Variants in GPC6 observed in about 807,000 individuals in gnomAD.
GPC6 encodes glypican-6.
GPC6 carries 14 observed loss-of-function variants against 55.2 expected under a neutral mutation model. That is an observed-to-expected ratio of 0.25 (90% CI 0.17 to 0.40). The LOEUF (loss-of-function observed/expected upper bound fraction) is 0.40, where lower values mean the gene tolerates loss of function less well. GPC6 is among the 10% of genes least tolerant of loss of function. The probability of loss-of-function intolerance (pLI) is 1.00; values close to 1 mark genes in which losing one functional copy is unlikely to be tolerated. For missense variants in GPC6, 641 were observed against 708.5 expected, an observed-to-expected ratio of 0.90 and a Z score of 1.08; for synonymous variants, 278 against 259.6, an observed-to-expected ratio of 1.07 and a Z score of -0.68.
chr13:93,532,963 TG>T (rs1426810195), intron 1 of GPC6, among the ~76,000 whole-genome samples: 2 of 152,072 alleles, frequency 1.3e-5, no homozygotes, highest in Non-Finnish European at 2.9e-5. Flanking sequence ...ACAATAATAC[TG>T]GTAGTTTGAA....
chr13:93,623,491 C>G (rs1331438608), intron 2 of GPC6, among the ~76,000 whole-genome samples: 1 of 132,120 alleles, frequency 7.6e-6, no homozygotes, highest in Non-Finnish European at 1.6e-5. Flanking sequence ...CGGAGTCTCG[C>G]TCTCTCGCCC....
At chr13:94,310,747 C>A (rs1240002632) in intron 6 of GPC6, among the ~76,000 whole-genome samples, 1 of 151,966 alleles carries the variant, frequency 6.6e-6, no homozygotes, top group Non-Finnish European at 1.5e-5. Context: ...GGTTAACAAC[C>A]ATTTTCATAT....
chr13:93,839,209 T>G (rs1887860026), intron 3 of GPC6, among the ~76,000 whole-genome samples: 1 of 152,104 alleles, frequency 6.6e-6, no homozygotes, highest in Non-Finnish European at 1.5e-5. Context: ...GAAGTTAACT[T>G]ATCTTCCCCT....
intron 1 of GPC6, among the ~76,000 whole-genome samples, chr13:93,397,789 A>AT (rs34394036): frequency 0.046 from 6,832 of 146,994 alleles, 196 homozygotes; most frequent in Non-Finnish European, 0.059. Flanking sequence ...CTCAAAAGCT[A>AT]TTTTTTTTTC....
intron 3 of GPC6, among the ~76,000 whole-genome samples, chr13:93,871,794 A>G (rs1889140917): frequency 6.6e-6 from 1 of 151,958 alleles, no homozygotes; most frequent in African/African-American, 2.4e-5. Context: ...TCTGAATGAG[A>G]ATCAGTTTGA....
At chr13:93,954,172 T>A (rs1418449807) in intron 3 of GPC6, among the ~76,000 whole-genome samples, 2 of 152,210 alleles carry the variant, frequency 1.3e-5, no homozygotes, top group African/African-American at 4.8e-5. Flanking sequence ...GCCTATTTTA[T>A]CTGGCTTCTT....
At chr13:93,324,611 T>TAA (rs1555290862) in intron 1 of GPC6, among the ~76,000 whole-genome samples, 1 of 90,696 alleles carries the variant, frequency 1.1e-5, no homozygotes, top group Non-Finnish European at 2.4e-5. Flanking sequence ...TATATATATA[T>TAA]AAAATCTCTG....
chr13:94,134,470 A>C lies in GPC6; in HGVS notation c.877+106576A>C, dbSNP rs184827833. Among the ~76,000 whole-genome samples, 573 of 152,320 alleles carry C rather than the reference A, an allele frequency of 3.8e-3. 2 individuals are homozygous for C. The highest frequency in any genetic ancestry group is 6.6e-3 in the Non-Finnish European group (449 of 68,032). ...CAGAAGAATGTGTCCCCCTCATGCT[A>C]AATGCCTCAGTTTTGCCTATTAAAG... On this transcript the variant is annotated intron_variant, in intron 4 of 8. Transcript: ENST00000377047.
chr13:93,574,775 T>C (rs1263231609), intron 2 of GPC6, among the ~76,000 whole-genome samples: 1 of 152,172 alleles, frequency 6.6e-6, no homozygotes, highest in Non-Finnish European at 1.5e-5. Flanking sequence ...GTGCGTTCTG[T>C]CTAGAGATTT....
At chr13:93,510,193 C>CT (rs1435536290) in intron 1 of GPC6, among the ~76,000 whole-genome samples, 2 of 152,170 alleles carry the variant, frequency 1.3e-5, no homozygotes, top group African/African-American at 2.4e-5. Flanking sequence ...TTTAGGATGT[C>CT]TATCTCTTGA....
chr13:94,218,029 G>A (rs1890273644), intron 4 of GPC6, among the ~76,000 whole-genome samples: 1 of 152,102 alleles, frequency 6.6e-6, no homozygotes, highest in South Asian at 2.1e-4. Context: ...ACAAGCATGT[G>A]GTAATGGTTC....
At chr13:93,720,210 C>T (rs1184906131) in intron 2 of GPC6, among the ~76,000 whole-genome samples, 1 of 150,180 alleles carries the variant, frequency 6.7e-6, no homozygotes, top group Non-Finnish European at 1.5e-5. Flanking sequence ...TCTGTCTGGT[C>T]CTGGTTGGTA....
At chr13:93,938,016 C>A (rs1325698460) in intron 3 of GPC6, among the ~76,000 whole-genome samples, 1 of 152,130 alleles carries the variant, frequency 6.6e-6, no homozygotes, top group Non-Finnish European at 1.5e-5. Context: ...AATTATAATA[C>A]CCTTAATTAG....
chr13:93,759,694 C>T (rs2138874723), intron 2 of GPC6, among the ~76,000 whole-genome samples: 1 of 152,188 alleles, frequency 6.6e-6, no homozygotes. Flanking sequence ...TTCAGAATTT[C>T]CTCCTATTAA....
chr13:93,918,009 A>G (rs549672817), intron 3 of GPC6, among the ~76,000 whole-genome samples: 15 of 152,042 alleles, frequency 9.9e-5, no homozygotes, highest in Non-Finnish European at 2.1e-4. Context: ...AGGCAGAAAA[A>G]TCACTTGAAC....
intron 3 of GPC6, among the ~76,000 whole-genome samples, chr13:93,955,169 C>T (rs1415752581): frequency 6.6e-6 from 1 of 151,720 alleles, no homozygotes; most frequent in Non-Finnish European, 1.5e-5. Flanking sequence ...TTCACCACCA[C>T]ATCTTTTGAT....
chr13:93,726,627 C>T (rs754184376), intron 2 of GPC6, among the ~76,000 whole-genome samples: 9 of 152,052 alleles, frequency 5.9e-5, no homozygotes, highest in Non-Finnish European at 8.8e-5. Context: ...CCTTGGGAAT[C>T]ATCCAGTGTC....
intron 4 of GPC6, among the ~76,000 whole-genome samples, chr13:94,123,131 T>C (rs1393749647): frequency 1.3e-5 from 2 of 151,976 alleles, no homozygotes; most frequent in Non-Finnish European, 2.9e-5. Flanking sequence ...TGTTAAAACT[T>C]AAAAAAACTG....
intron 2 of GPC6, among the ~76,000 whole-genome samples, chr13:93,554,145 C>CAAA (rs35616377): frequency 3.7e-5 from 5 of 136,926 alleles, no homozygotes; most frequent in Admixed American, 7.4e-5. Flanking sequence ...GAGACTCTGT[C>CAAA]AAAAAAAAAA....
Sources: gnomAD v4.1 joint callset for allele counts (sites outside exome capture counted in the v4.1 genomes callset) on GRCh38, gnomAD v4.1.1 for gene constraint, MANE v1.5 for transcripts, NCBI Gene and HGNC (gene_info 2026-07-23, HGNC 2026-07-21) for gene names.